DMD: variants seen among roughly 807,000 people sequenced by gnomAD.
DMD encodes the protein mutant dystrophin.
DMD carries 63 observed loss-of-function variants against 330.1 expected under a neutral mutation model. That is an observed-to-expected ratio of 0.19 (90% CI 0.16 to 0.24). The LOEUF (loss-of-function observed/expected upper bound fraction) is 0.24. DMD is among the 10% of genes least tolerant of loss of function. The probability of loss-of-function intolerance (pLI) is 1.00; values close to 1 mark genes in which losing one functional copy is unlikely to be tolerated. For synonymous variants in DMD, 1,223 were observed against 959.8 expected, an observed-to-expected ratio of 1.27 and a Z score of -5.07; for missense variants, 3,344 against 2,684.1, an observed-to-expected ratio of 1.25 and a Z score of -5.43.
chrX:32,579,174 C>G (rs1455108484), intron 13 of DMD, among the ~76,000 whole-genome samples: 1 of 111,868 alleles, frequency 8.9e-6, no homozygotes, highest in Non-Finnish European at 1.9e-5. Context: ...AAGCACCATA[C>G]TATAAAATGG....
intron 7 of DMD, among the ~76,000 whole-genome samples, chrX:32,747,984 C>G (rs749570199): frequency 9.0e-6 from 1 of 111,634 alleles, no homozygotes; most frequent in Non-Finnish European, 1.9e-5. Flanking sequence ...AGAAGCTACT[C>G]TTTATTTGGT....
At chrX:32,071,552 A>G (rs1441716659) in intron 44 of DMD, among the ~76,000 whole-genome samples, 3 of 105,677 alleles carry the variant, frequency 2.8e-5, no homozygotes, top group Non-Finnish European at 5.9e-5. Flanking sequence ...AGATATACCT[A>G]ATGCTAAATG....
intron 16 of DMD, among the ~76,000 whole-genome samples, chrX:32,549,078 C>A (rs866537797): frequency 2.1e-4 from 23 of 111,495 alleles, no homozygotes; most frequent in African/African-American, 6.8e-4. Flanking sequence ...ATTTTAACTG[C>A]AAGTTAATTT....
chrX:32,005,630 G>A (rs2095656292), intron 44 of DMD, among the ~76,000 whole-genome samples: 1 of 110,577 alleles, frequency 9.0e-6, no homozygotes, highest in Admixed American at 9.7e-5. Flanking sequence ...ACAGAGATGG[G>A]GGAGATTGGT....
intron 2 of DMD, among the ~76,000 whole-genome samples, chrX:32,996,274 G>GA (rs201030815): frequency 0.028 from 3,063 of 110,600 alleles, 73 homozygotes; most frequent in East Asian, 0.18. Context: ...AAAATAATGA[G>GA]AAAAAAATGT....
At chrX:32,934,727 C>A (rs1026583078) in intron 2 of DMD, among the ~76,000 whole-genome samples, 2 of 111,736 alleles carry the variant, frequency 1.8e-5, no homozygotes, top group African/African-American at 6.5e-5. Context: ...CAACAACTCA[C>A]ACCTGAACCT....
At chrX:32,840,866 T>TA (rs111979186) in intron 4 of DMD, among the ~76,000 whole-genome samples, 2 of 112,113 alleles carry the variant, frequency 1.8e-5, no homozygotes, top group African/African-American at 6.5e-5. Flanking sequence ...TTCTCACATA[T>TA]ATATGTGTTT....
chrX:31,301,997 C>A (rs1349714038), intron 62 of DMD, among the ~76,000 whole-genome samples: 1 of 111,901 alleles, frequency 8.9e-6, no homozygotes, highest in Non-Finnish European at 1.9e-5. Context: ...CGACACTCAA[C>A]CACTACACTA....
intron 44 of DMD, among the ~76,000 whole-genome samples, chrX:32,079,953 T>C (rs887650626): frequency 8.9e-6 from 1 of 112,095 alleles, no homozygotes; most frequent in Non-Finnish European, 1.9e-5. Flanking sequence ...GAATAAAAAC[T>C]TATAGGGTTT....
chrX:32,405,045 A>G (rs1211577237), intron 30 of DMD, among the ~76,000 whole-genome samples: 1 of 112,027 alleles, frequency 8.9e-6, no homozygotes, highest in East Asian at 2.8e-4. Context: ...ACACAGTCAT[A>G]GAAGAGAATC....
At chrX:32,866,724 T>TGGG (rs1200341173) in intron 2 of DMD, among the ~76,000 whole-genome samples, 81 of 38,401 alleles carry the variant, frequency 2.1e-3, no homozygotes, top group Non-Finnish European at 2.8e-3. Context: ...CACTTTTTTT[T>TGGG]GGGGGGGGGT....
At chrX:32,890,511 G>A (rs2085101481) in intron 2 of DMD, among the ~76,000 whole-genome samples, 1 of 110,480 alleles carries the variant, frequency 9.1e-6, no homozygotes, top group Non-Finnish European at 1.9e-5. Flanking sequence ...GATGCCTGGG[G>A]CACAGTTGAG....
intron 41 of DMD, among the ~76,000 whole-genome samples, chrX:32,317,017 A>T (rs1382150179): frequency 9.0e-6 from 1 of 111,115 alleles, no homozygotes; most frequent in Non-Finnish European, 1.9e-5. Flanking sequence ...TTTTCATTTG[A>T]ATTTCATTAA....
intron 6 of DMD, among the ~76,000 whole-genome samples, chrX:32,811,267 C>G (rs1466403752): frequency 1.8e-5 from 2 of 109,762 alleles, no homozygotes; most frequent in Non-Finnish European, 3.8e-5. Context: ...ATCACTTGAG[C>G]CTGGGTGGCT....
chrX:31,851,029 T>G (rs1423008680), intron 48 of DMD, among the ~76,000 whole-genome samples: 3 of 112,498 alleles, frequency 2.7e-5, no homozygotes, highest in African/African-American at 9.7e-5. Context: ...CAGTCCAGAT[T>G]GTCAGTCAGA....
chrX:33,322,851 T>G (rs1383272466), intron 1 of DMD, among the ~76,000 whole-genome samples: 1 of 111,743 alleles, frequency 8.9e-6, no homozygotes, highest in Non-Finnish European at 1.9e-5. Flanking sequence ...CATAAGAAAT[T>G]TTTCAATGGC....
rs1569560913 is a variant in DMD at position 32,394,929 on chromosome X, A to AACAAACAAAC, written c.4234-4749_4234-4748insGTTTGTTTGT. The stretch of plus-strand genomic sequence containing the variant: ...AAAACAAAAAAACAAAAAAAAAAAA[A>AACAAACAAAC]AAAAGAAAAGAAATCATCATCAGTA... On this transcript the variant is annotated intron_variant, in intron 30 of 78. Transcript: ENST00000357033. Among the ~76,000 whole-genome samples the AACAAACAAAC allele has an allele frequency of 7.6e-5, 7 of 92,617 alleles. 1 individual carries two copies. Among genetic ancestry groups the AACAAACAAAC allele is most frequent in the African/African-American group, 2.6e-4 (7 of 26,853 alleles). The allele number at this position is 92,617 out of a possible 115,157, so 80.4% of individuals were successfully genotyped here. A position where few individuals can be genotyped will look rare whatever the true frequency, so the allele number is the denominator to read the frequency against.
At chrX:32,217,601 A>T in intron 43 of DMD, among the ~76,000 whole-genome samples, 1 of 110,952 alleles carries the variant, frequency 9.0e-6, no homozygotes, top group Non-Finnish European at 1.9e-5. Context: ...AAAGTTACCA[A>T]TATTGTGCTG....
chrX:31,932,607 T>C (rs898868254), intron 45 of DMD, among the ~76,000 whole-genome samples: 1 of 110,441 alleles, frequency 9.1e-6, no homozygotes, highest in African/African-American at 3.3e-5. Context: ...TTTGCCAGGT[T>C]TGGTGGCAGG....
Sources: allele counts gnomAD v4.1 joint callset (sites outside exome capture counted in the v4.1 genomes callset), GRCh38; gene constraint gnomAD v4.1.1; transcripts MANE v1.5; gene names NCBI Gene and HGNC (gene_info 2026-07-23, HGNC 2026-07-21).